The following LRRC57 variants were observed in gnomAD, a reference collection of about 807,000 sequenced individuals.
LRRC57 encodes the protein leucine rich repeat containing 57.
In LRRC57, 14 loss-of-function variants were observed where a neutral mutation model predicts 23.1. That is an observed-to-expected ratio of 0.61 (90% confidence interval 0.40 to 0.95). The LOEUF (loss-of-function observed/expected upper bound fraction) is 0.95. LRRC57 is among the 40% of genes least tolerant of loss of function. LRRC57 has a pLI of 0.00. For synonymous variants in LRRC57, 106 were observed against 115.2 expected (o/e 0.92, Z 0.51); for missense variants, 236 against 284.4 (o/e 0.83, Z 1.22).
At chr15:42,544,189 ATT>A in intron 5 of LRRC57, 65 bp from the exon 6 acceptor site, 6 of 1,257,080 alleles carry the variant, frequency 4.8e-6, no homozygotes, top group South Asian at 2.8e-5. Flanking sequence ...AAGCCTAACT[ATT>A]TTTTTTTTCA....
At chr15:42,535,229 A>G (rs370376949), downstream of LRRC57, among the ~76,000 whole-genome samples, 106 of 152,344 alleles carry the variant, frequency 7.0e-4, no homozygotes, top group African/African-American at 2.5e-3. Context: ...TTTTATGTTA[A>G]CAGATACAGC....
chr15:42,548,056 C>A lies in LRRC57; in HGVS notation c.223+50G>T. 3 of 1,600,706 alleles carry A rather than the reference C, an allele frequency of 1.9e-6. No individual in the cohort carries two copies. The South Asian group carries it at 3.3e-5, about 18-fold the overall frequency. On this transcript the variant is annotated intron_variant, in intron 3 of 5. Transcript: ENST00000397130. ...AAATCAGCTTGTAAGAGAAAACCAC[C>A]CCTGGTAACAGCTGATCACTAGCAA...
rs755321341 is a variant in LRRC57 at position 42,545,142 on chromosome 15, G to T, written c.613C>A (p.Leu205Met). Reference protein sequence around the residue: ...QSILSDSQICLLAVEGNLFEI... With the variant: ...QSILSDSQICMLAVEGNLFEI... The stretch of plus-strand genomic sequence containing the variant: ...AAAAGATTGCCTTCCACAGCAAGCA[G>T]ACAGATCTGGGAATCACTGAGGATG... The change falls in exon 5 of 6, where the codon CTG becomes ATG. Residue 205 changes from leucine (L) to methionine (M), a missense_variant. Coordinates refer to ENST00000397130, the MANE Select transcript of LRRC57 (RefSeq NM_153260.3). 1.5e-5 allele frequency: 24 copies of T among 1,609,776 alleles called. No homozygotes were observed. Among genetic ancestry groups the T allele is most frequent in the Non-Finnish European group, 1.9e-5 (22 of 1,178,106 alleles).
downstream of LRRC57, among the ~76,000 whole-genome samples, chr15:42,534,869 T>C (rs2057592480): frequency 6.6e-6 from 1 of 152,244 alleles, no homozygotes; most frequent in African/African-American, 2.4e-5. Context: ...TAAATCATGC[T>C]GTAAACAGAT....
rs1000085531 is a variant in LRRC57 at position 42,548,182 on chromosome 15, CTTG to C, written c.144_146del (p.Asn48del). 8.7e-6 allele frequency: 14 copies of C among 1,614,232 alleles called. No individual in the cohort carries two copies. Among genetic ancestry groups the C allele is most frequent in the South Asian group, 1.1e-5 (1 of 91,088 alleles). On this transcript the variant is annotated inframe_deletion, in exon 3 of 6. Coordinates refer to ENST00000397130, the MANE Select transcript of LRRC57 (RefSeq NM_153260.3). ...TCAGCAAAGGCGGTAGGCTTTCGAT[CTTG>C]TTGTTGGACAAGTCGATGGTCCTGA...
At chr15:42,534,920 A>C (rs1262795323), downstream of LRRC57, among the ~76,000 whole-genome samples, 2 of 152,264 alleles carry the variant, frequency 1.3e-5, no homozygotes, top group Non-Finnish European at 2.9e-5. Flanking sequence ...TATAGAGCAC[A>C]GGTAGAGTAG....
chr15:42,544,766 G>A (rs1223592688), intron 5 of LRRC57, among the ~76,000 whole-genome samples: 1 of 150,676 alleles, frequency 6.6e-6, no homozygotes, highest in African/African-American at 2.5e-5. Flanking sequence ...CCAGTGAGCT[G>A]AGATTGCGCC....
the LRRC57 span, chr15:42,529,571 T>A: frequency 8.6e-7 from 1 of 1,165,280 alleles, no homozygotes; most frequent in Non-Finnish European, 1.2e-6. Context: ...TTGGATCTTA[T>A]ACTTGCTGAG....
Position 42,544,065 on chromosome 15 carries a change from C to T in LRRC57, c.*18G>A. 6.2e-7 allele frequency: 1 copy of T among 1,610,872 alleles called. No homozygotes were observed. The highest frequency in any genetic ancestry group is 8.5e-7 in the Non-Finnish European group (1 of 1,177,784). On this transcript the variant is annotated 3_prime_UTR_variant, in exon 6 of 6. Coordinates refer to ENST00000397130, the MANE Select transcript of LRRC57 (RefSeq NM_153260.3). The stretch of plus-strand genomic sequence containing the variant: ...TCTAAGTCAGTATCCTGTAAGGTTT[C>T]CATAGTCCTGGAGAACTTCACGCAA...
rs1223987419 is a variant in LRRC57 at position 42,540,924 on chromosome 15, C to G, written c.*3159G>C. ...GCGCCTGCCTGTAGTACCAGCTACT[C>G]AGGAGGCTGAGGCAGGAGAATTGCT... is the stretch of plus-strand genomic sequence containing the variant. On this transcript the variant is annotated 3_prime_UTR_variant, in exon 6 of 6. Transcript: ENST00000397130. 1 of 151,426 alleles carries G rather than the reference C, an allele frequency of 6.6e-6. No homozygotes were observed. The highest frequency in any genetic ancestry group is 2.4e-5 in the African/African-American group (1 of 41,110). The allele number at this position is 151,426 out of a possible 1,614,324, so 9.4% of individuals were successfully genotyped here.
the LRRC57 span, among the ~76,000 whole-genome samples, chr15:42,528,649 G>GA: frequency 4.7e-4 from 72 of 152,230 alleles, no homozygotes; most frequent in African/African-American, 1.7e-3. Context: ...GCAGTGGCGT[G>GA]ATCTCAGCTC....
downstream of LRRC57, among the ~76,000 whole-genome samples, chr15:42,537,633 T>C (rs568266919): frequency 2.6e-5 from 4 of 152,298 alleles, no homozygotes; most frequent in South Asian, 8.3e-4. Flanking sequence ...GATAATGGAA[T>C]CAACCTAAGG....
Position 42,548,393 on chromosome 15 carries a change from C to A in LRRC57, c.42G>T (p.Gln14His), listed in dbSNP as rs1365518154. 1.9e-6 allele frequency: 3 copies of A among 1,614,102 alleles called. No homozygotes were observed. Among genetic ancestry groups the A allele is most frequent in the Middle Eastern group, 1.6e-4 (1 of 6,084 alleles). The change falls in exon 2 of 6, where the codon CAG (glutamine) becomes CAT (histidine). Residue 14 changes from glutamine to histidine, a missense_variant. Gln to His is a conservative substitution (Grantham distance 24, BLOSUM62 0). Transcript: ENST00000397130. ...SALRAHVETA[Q>H]KTGVFQLKDR... ...CCTTAAGCTGAAAGACACCAGTTTT[C>A]TGCGCCGTTTCCACATGAGCGCGGA...
chr15:42,548,790 C>A lies in LRRC57; in HGVS notation c.-120G>T. ...CGGCTTAGTCCCGGGCGGGAACGCC[C>A]TGTGACGTCATCGAGCCGCGCCGTG... On this transcript the variant is annotated 5_prime_UTR_variant, in exon 1 of 6. The change creates a new upstream start codon in the 5' untranslated region. Coordinates refer to ENST00000397130, the MANE Select transcript of LRRC57 (RefSeq NM_153260.3). The A allele has an allele frequency of 9.4e-7, 1 of 1,066,734 alleles. No individual in the cohort carries two copies. Among genetic ancestry groups the A allele is most frequent in the South Asian group, 1.4e-5 (1 of 70,668 alleles). 66.1% of individuals were successfully genotyped at this position (1,066,734 alleles called of 1,614,324 possible). A position where few individuals can be genotyped will look rare whatever the true frequency, so the allele number is the denominator to read the frequency against.
the LRRC57 span, chr15:42,528,537 T>C: frequency 9.6e-7 from 1 of 1,043,570 alleles, no homozygotes; most frequent in African/African-American, 1.6e-5. Flanking sequence ...TTATTCCATT[T>C]TTAAAATGCA....
Position 42,548,205 on chromosome 15 carries a change from T to A in LRRC57, c.124A>T (p.Thr42Ser). Residue 42 changes from threonine (T) to serine (S), a missense_variant, in exon 3 of 6, where the codon ACC becomes TCC. Transcript: ENST00000397130. ...DLQKLTSNLR[T>S]IDLSNNKIES... ...ATCTTGTTGTTGGACAAGTCGATGG[T>A]CCTGAGATTGCTCGTCAGCTTCTGC... is the stretch of plus-strand genomic sequence containing the variant. 6.2e-7 allele frequency: 1 copy of A among 1,614,188 alleles called. No individual in the cohort carries two copies. The highest frequency in any genetic ancestry group is 8.5e-7 in the Non-Finnish European group (1 of 1,180,034).
intron 4 of LRRC57, 134 bp downstream of exon 4, chr15:42,547,127 A>G (rs1245182410): frequency 1.0e-6 from 1 of 961,444 alleles, no homozygotes; most frequent in Non-Finnish European, 1.5e-6. Flanking sequence ...AGTTCAGCCT[A>G]TAGAAGAAAC....
chr15:42,547,776 C>A, intron 3 of LRRC57: 1 of 540,864 alleles, frequency 1.8e-6, no homozygotes, highest in Non-Finnish European at 3.2e-6. Context: ...AGGCACAATC[C>A]GACAGCAATT....
rs779004807 is a variant in LRRC57, at chr15:42,545,282, G to C, written c.493-20C>G. ...AGATATCTATTGAAAAACCACAAAA[G>C]AATAACAGGAAAAAGCATAAGCACT... On this transcript the variant is annotated intron_variant, in intron 4 of 5. Coordinates refer to ENST00000397130, the MANE Select transcript of LRRC57 (RefSeq NM_153260.3). 15 of 1,530,310 alleles carry C rather than the reference G, an allele frequency of 9.8e-6. No homozygotes were observed. In the Admixed American group the frequency reaches 1.1e-4, roughly 11 times the overall value. The allele number at this position is 1,530,310 out of a possible 1,614,324, so 94.8% of individuals were successfully genotyped here.
Sources: allele counts gnomAD v4.1 joint callset (sites outside exome capture counted in the v4.1 genomes callset), GRCh38; gene constraint gnomAD v4.1.1; transcripts MANE v1.5; gene names NCBI Gene and HGNC (gene_info 2026-07-23, HGNC 2026-07-21).